Variants in HYOU1 observed in about 807,000 individuals in gnomAD.
HYOU1 encodes the protein hypoxia up-regulated 1, also known as hypoxia up-regulated protein 1.
In HYOU1, 40 loss-of-function variants were observed where a neutral mutation model predicts 120.5. That is an observed-to-expected ratio of 0.33 (90% CI 0.26 to 0.43). HYOU1 has a LOEUF of 0.43. HYOU1 is among the 20% of genes least tolerant of loss of function. HYOU1 has a pLI of 1.00. For missense variants in HYOU1, 1,085 were observed against 1,278.3 expected, an observed-to-expected ratio of 0.85 and a Z score of 2.31; for synonymous variants, 501 against 479.4, an observed-to-expected ratio of 1.05 and a Z score of -0.59.
chr11:119,053,291 G>A (rs1944557177), intron 8 of HYOU1: 1 of 162,788 alleles, frequency 6.1e-6, no homozygotes, highest in African/African-American at 2.4e-5. Flanking sequence ...TGAAGGATGA[G>A]TTCAGTGCAA....
intron 1 of HYOU1, 93 bp from the exon 2 acceptor site, chr11:119,056,260 A>G (rs901449437): frequency 2.3e-6 from 2 of 878,422 alleles, no homozygotes; most frequent in African/African-American, 1.6e-5. Flanking sequence ...TGTAAGATTC[A>G]TATCTACTTC....
In HYOU1 at chr11:119,046,644, A is replaced by AGGCCGG; in HGVS notation, c.2748_2753dup (p.Arg917_Pro918dup). ...CTGCCCGGGTCCCATTCTTGTCCTT[A>AGGCCGG]GGCCGGGGCCGGGGCTTGGTAAACT... On this transcript the variant is annotated inframe_insertion, in exon 23 of 26. Coordinates refer to ENST00000617285, the MANE Select transcript of HYOU1 (RefSeq NM_006389.5). 3.7e-6 allele frequency: 6 copies of AGGCCGG among 1,614,086 alleles called. No homozygotes were observed. The highest frequency in any genetic ancestry group is 4.2e-6 in the Non-Finnish European group (5 of 1,179,988).
chr11:119,045,494 C>T lies in HYOU1; in HGVS notation c.*99G>A, dbSNP rs782124085. On this transcript the variant is annotated 3_prime_UTR_variant, in exon 26 of 26. Coordinates refer to ENST00000617285, the MANE Select transcript of HYOU1 (RefSeq NM_006389.5). ...CACAGGGGTGAGAAAGGAACTCCAGCCGAGGGCAGGACCAACCCCTCCCCC... is the reference window on the plus strand; with the variant it reads ...CACAGGGGTGAGAAAGGAACTCCAGTCGAGGGCAGGACCAACCCCTCCCCC... The T allele has an allele frequency of 3.4e-5, 36 of 1,045,098 alleles. No homozygotes were observed. Among genetic ancestry groups the T allele is most frequent in the Non-Finnish European group, 5.4e-5 (36 of 665,224 alleles). 64.7% of individuals were successfully genotyped at this position (1,045,098 alleles called of 1,614,324 possible).
At chr11:119,056,345 C>T (rs1428009197) in intron 1 of HYOU1, 178 bp from the exon 2 acceptor site, 1 of 678,712 alleles carries the variant, frequency 1.5e-6, no homozygotes, top group Non-Finnish European at 2.7e-6. Context: ...TCTAATCATC[C>T]CAGCAGCGCC....
chr11:119,050,650 G>A (rs1464964369), intron 14 of HYOU1, among the ~76,000 whole-genome samples: 1 of 127,948 alleles, frequency 7.8e-6, no homozygotes, highest in Non-Finnish European at 1.6e-5. Flanking sequence ...AAGCCCAAGT[G>A]TTCAAGGCTG....
intron 22 of HYOU1, 83 bp downstream of exon 22, chr11:119,047,648 GGCT>G: frequency 9.1e-7 from 1 of 1,096,812 alleles, no homozygotes; most frequent in Non-Finnish European, 1.4e-6. Context: ...AGGAGGCAGG[GGCT>G]GCTGTGGCTT....
rs1304084122 is a variant in HYOU1 at position 119,048,778 on chromosome 11, C to T, written c.2101G>A (p.Val701Met). 3.7e-6 allele frequency: 6 copies of T among 1,613,972 alleles called. No individual in the cohort carries two copies. The highest frequency in any genetic ancestry group is 8.5e-7 in the Non-Finnish European group (1 of 1,180,004). The change falls in exon 18 of 26, where the codon GTG becomes ATG. Residue 701 changes from valine to methionine, a missense_variant. By Grantham distance (21) the Val-to-Met change is conservative. Around this residue, in one of 4 missense-constraint regions of HYOU1, gnomAD observed 516 missense variants for 517.1 expected, o/e 1.00. Coordinates refer to ENST00000617285, the MANE Select transcript of HYOU1 (RefSeq NM_006389.5). This position sits in a 1 kb window ranked among gnomAD's most constrained non-coding sequence, Gnocchi z 4.7. Reference sequence around the variant, plus strand: ...GGCAGGTCCAGAACAACCAGCTCCACCCCGATCTCCTCTACCATTCGCCGC... The same window carrying T: ...GGCAGGTCCAGAACAACCAGCTCCATCCCGATCTCCTCTACCATTCGCCGC... ...RKRRMVEEIG[V>M]ELVVLDLPDL...
chr11:119,048,439 A>G lies in HYOU1; in HGVS notation c.2253+37T>C. ...GGCAAGGCCCACAGAGCCAGGTGTAAGCCCAGTGGGGGGGCTGCTGCCTCC... is the reference window on the plus strand; with the variant it reads ...GGCAAGGCCCACAGAGCCAGGTGTAGGCCCAGTGGGGGGGCTGCTGCCTCC... On this transcript the variant is annotated intron_variant, in intron 19 of 25. Transcript: ENST00000617285. The surrounding 1 kb of genome is among the most constrained non-coding windows in gnomAD (Gnocchi z 4.7). 3 of 1,613,124 alleles carry G rather than the reference A, an allele frequency of 1.9e-6. No individual in the cohort carries two copies. Among genetic ancestry groups the G allele is most frequent in the Non-Finnish European group, 2.5e-6 (3 of 1,179,840 alleles).
In HYOU1 at chr11:119,052,143, A is replaced by C; in HGVS notation, c.1152T>G (p.Gly384=). 1 of 1,614,164 alleles carries C rather than the reference A, an allele frequency of 6.2e-7. No homozygotes were observed. Among genetic ancestry groups the C allele is most frequent in the African/African-American group, 1.3e-5 (1 of 75,044 alleles). ...LDEIEQVILV[G]GATRVPRVQE... The stretch of plus-strand genomic sequence containing the variant: ...GAACTCTGGGGACCCGAGTGGCCCC[A>C]CCCACCAGGATCACCTGCTCAATCT... Residue 384 remains glycine (G), a synonymous_variant, in exon 11 of 26, where the codon GGT becomes GGG. Coordinates refer to ENST00000617285, the MANE Select transcript of HYOU1 (RefSeq NM_006389.5). This position sits in a 1 kb window ranked among gnomAD's most constrained non-coding sequence, Gnocchi z 5.0.
rs1332281516 is a variant in HYOU1 at position 119,051,383 on chromosome 11, C to T, written c.1526+55G>A. On this transcript the variant is annotated intron_variant, in intron 13 of 25. Transcript: ENST00000617285. This position sits in a 1 kb window ranked among gnomAD's most constrained non-coding sequence, Gnocchi z 4.2. ...CCTCACCCCCAGTCCTCAGATTATC[C>T]AGCAGCCACGCCTCCCCCTCCCTGG... The T allele has an allele frequency of 1.3e-5, 21 of 1,581,560 alleles. No homozygotes were observed. Among genetic ancestry groups the T allele is most frequent in the African/African-American group, 2.7e-5 (2 of 74,244 alleles).
At position 119,051,860 on chromosome 11, in the gene HYOU1, T is replaced by G. The variant is rs2133588409; in HGVS notation, c.1297A>C (p.Lys433Gln). The change falls in exon 12 of 26, where the codon AAG (lysine) becomes CAG (glutamine). Residue 433 changes from lysine to glutamine, a missense_variant. Coordinates refer to ENST00000617285, the MANE Select transcript of HYOU1 (RefSeq NM_006389.5). This position sits in a 1 kb window ranked among gnomAD's most constrained non-coding sequence, Gnocchi z 4.2. ...AAALSKAFKV[K>Q]PFVVRDAVVY... ...ACTGCATCTCGGACGACAAATGGCT[T>G]CACTTTAAAGGCTTTGCTGAGCGCA... 1 of 1,614,112 alleles carries G rather than the reference T, an allele frequency of 6.2e-7. No homozygotes were observed. Among genetic ancestry groups the G allele is most frequent in the Non-Finnish European group, 8.5e-7 (1 of 1,180,004 alleles).
At position 119,048,347 on chromosome 11, in the gene HYOU1, G is replaced by A; in HGVS notation, c.2277C>T (p.Tyr759=). ...GCTGCTCCTCTGTGGACACTTCCTG[G>A]TACTCGGGCTGGTACAGCTTGTCCT... The part of the protein sequence containing the change: ...ETQDKLYQPE[Y]QEVSTEEQRE... Residue 759 remains tyrosine (Y), a synonymous_variant, in exon 20 of 26, where the codon TAC becomes TAT. Transcript: ENST00000617285. The surrounding 1 kb of genome is among the most constrained non-coding windows in gnomAD (Gnocchi z 4.7). 1 of 1,609,658 alleles carries A rather than the reference G, an allele frequency of 6.2e-7. No homozygotes were observed. Among genetic ancestry groups the A allele is most frequent in the Non-Finnish European group, 8.5e-7 (1 of 1,179,920 alleles).
rs2133566461 is a variant in HYOU1, at chr11:119,048,690, C to A, written c.2165+24G>T. On this transcript the variant is annotated intron_variant, in intron 18 of 25. Coordinates refer to ENST00000617285, the MANE Select transcript of HYOU1 (RefSeq NM_006389.5). This position sits in a 1 kb window ranked among gnomAD's most constrained non-coding sequence, Gnocchi z 4.7. ...CCCACCTTGCACACACATGTACACA[C>A]ACACACCAGCTGTCCTCACTTACTT... 7.5e-6 allele frequency: 12 copies of A among 1,606,632 alleles called. No individual in the cohort carries two copies. Among genetic ancestry groups the A allele is most frequent in the Non-Finnish European group, 9.4e-6 (11 of 1,175,848 alleles).
rs1317651162 is a variant in HYOU1 at position 119,051,906 on chromosome 11, C to A, written c.1251G>T (p.Met417Ile). 6.2e-7 allele frequency: 1 copy of A among 1,614,078 alleles called. No homozygotes were observed. The highest frequency in any genetic ancestry group is 8.5e-7 in the Non-Finnish European group (1 of 1,180,038). ...KNINADEAAAMGAVYQAAALS... is the reference protein window; with the variant it reads ...KNINADEAAAIGAVYQAAALS... ...GCGCAGCTGCCTGGTACACTGCCCCCATGGCGGCTGCTTCATCTGCATTGA... is the reference window on the plus strand; with the variant it reads ...GCGCAGCTGCCTGGTACACTGCCCCAATGGCGGCTGCTTCATCTGCATTGA... Residue 417 changes from methionine to isoleucine, a missense_variant, in exon 12 of 26, where the codon ATG becomes ATT. Met to Ile is a conservative substitution (Grantham distance 10). Coordinates refer to ENST00000617285, the MANE Select transcript of HYOU1 (RefSeq NM_006389.5). The surrounding 1 kb of genome is among the most constrained non-coding windows in gnomAD (Gnocchi z 4.2).
In HYOU1 at chr11:119,054,660, T is replaced by C; in HGVS notation, c.512A>G (p.Asp171Gly). 1 of 1,612,654 alleles carries C rather than the reference T, an allele frequency of 6.2e-7. No homozygotes were observed. The highest frequency in any genetic ancestry group is 8.5e-7 in the Non-Finnish European group (1 of 1,179,964). Reference protein sequence around the residue: ...AEDFAEQPIKDAVITVPVFFN... With the variant: ...AEDFAEQPIKGAVITVPVFFN... ...GAAGACTGGCACGGTGATCACTGCA[T>C]CCTTGATGGGCTGCTCTACAGATGA... Residue 171 changes from aspartate to glycine, a missense_variant, in exon 7 of 26, where the codon GAT becomes GGT. Coordinates refer to ENST00000617285, the MANE Select transcript of HYOU1 (RefSeq NM_006389.5).
rs1592157294 is a variant in HYOU1, at chr11:119,055,433, T to C, written c.264+60A>G. The C allele has an allele frequency of 1.9e-6, 3 of 1,607,876 alleles. No homozygotes were observed. Among genetic ancestry groups the C allele is most frequent in the Middle Eastern group, 3.4e-4 (2 of 5,950 alleles). ...CAGAGACTGATAAGGAAACAGACTC[T>C]GGGGGCTGCCATCTCCTCTCCTCTG... On this transcript the variant is annotated intron_variant, in intron 4 of 25. Transcript: ENST00000617285. The surrounding 1 kb of genome is among the most constrained non-coding windows in gnomAD (Gnocchi z 4.0).
At position 119,055,721 on chromosome 11, in the gene HYOU1, C is replaced by A. The variant is rs1024836068; in HGVS notation, c.185+29G>T. 1 of 1,593,968 alleles carries A rather than the reference C, an allele frequency of 6.3e-7. No individual in the cohort carries two copies. Among genetic ancestry groups the A allele is most frequent in the Non-Finnish European group, 8.6e-7 (1 of 1,161,668 alleles). Reference sequence around the variant, plus strand: ...ACTTGGAGCCCAGACTCCCTCGTTCCCCACCCTTAACACGGGGGCCACCCT... The same window carrying A: ...ACTTGGAGCCCAGACTCCCTCGTTCACCACCCTTAACACGGGGGCCACCCT... On this transcript the variant is annotated intron_variant, in intron 3 of 25. Coordinates refer to ENST00000617285, the MANE Select transcript of HYOU1 (RefSeq NM_006389.5). This position sits in a 1 kb window ranked among gnomAD's most constrained non-coding sequence, Gnocchi z 4.0.
chr11:119,055,818 G>A lies in HYOU1; in HGVS notation c.117C>T (p.Asp39=), dbSNP rs1944720544. 1 of 1,614,082 alleles carries A rather than the reference G, an allele frequency of 6.2e-7. No homozygotes were observed. The highest frequency in any genetic ancestry group is 1.1e-5 in the South Asian group (1 of 91,086). Residue 39 remains aspartate (D), a synonymous_variant, in exon 3 of 26, where the codon GAC becomes GAT. Transcript: ENST00000617285. The surrounding 1 kb of genome is among the most constrained non-coding windows in gnomAD (Gnocchi z 4.0). The part of the protein sequence containing the change: ...LSDTLAVMSV[D]LGSESMKVAI... ...CCACCTTCATGGACTCACTGCCCAG[G>A]TCCACAGACATCACTGCCAGTGTAT... is the stretch of plus-strand genomic sequence containing the variant.
intron 14 of HYOU1, 94 bp from the exon 15 acceptor site, chr11:119,049,931 A>G (rs2133576629): frequency 1.1e-4 from 118 of 1,097,986 alleles, no homozygotes; most frequent in South Asian, 3.7e-4. Context: ...TGCACACTCC[A>G]TGCCGTCACA....
Sources: gnomAD v4.1 joint callset for allele counts (sites outside exome capture counted in the v4.1 genomes callset) on GRCh38, gnomAD v4.1.1 for gene constraint, gnomAD v4.1.1 regional missense constraint, Gnocchi (gnomAD v3.1) non-coding constraint, MANE v1.5 for transcripts, NCBI Gene and HGNC (gene_info 2026-07-23, HGNC 2026-07-21) for gene names.